SCFD1: variants seen among roughly 807,000 people sequenced by gnomAD.
SCFD1 encodes the protein sec1 family domain containing 1, also known as sec1 family domain-containing protein 1.
A neutral mutation model predicts 103.2 loss-of-function variants in SCFD1; 37 were observed. That is an observed-to-expected ratio of 0.36 (90% CI 0.28 to 0.47). The LOEUF (loss-of-function observed/expected upper bound fraction) is 0.47. Among genes scored for constraint, SCFD1 ranks in the 20% least tolerant of loss-of-function variants. The pLI is 1.00. For missense variants in SCFD1, 639 were observed against 761.2 expected, an observed-to-expected ratio of 0.84 and a Z score of 1.89; for synonymous variants, 264 against 245.0, an observed-to-expected ratio of 1.08 and a Z score of -0.73.
chr14:30,658,787 C>G (rs1887157671), intron 10 of SCFD1, among the ~76,000 whole-genome samples: 1 of 152,120 alleles, frequency 6.6e-6, no homozygotes, highest in Non-Finnish European at 1.5e-5. Flanking sequence ...GTAACAGGTG[C>G]CTAGATATAG....
At chr14:30,668,216 A>G (rs1325100443) in intron 10 of SCFD1, among the ~76,000 whole-genome samples, 1 of 152,208 alleles carries the variant, frequency 6.6e-6, no homozygotes, top group Non-Finnish European at 1.5e-5. Context: ...GACCAGTGGA[A>G]CAGAACAGAG....
At chr14:30,703,452 C>A (rs1186486257) in intron 17 of SCFD1, among the ~76,000 whole-genome samples, 1 of 151,122 alleles carries the variant, frequency 6.6e-6, no homozygotes, top group Non-Finnish European at 1.5e-5. Flanking sequence ...AAATGGCATA[C>A]AACTAAATGT....
intron 7 of SCFD1, chr14:30,643,859 T>A (rs1273564265): frequency 4.6e-6 from 2 of 434,316 alleles, no homozygotes; most frequent in South Asian, 1.7e-5. Flanking sequence ...AATTTTTTTT[T>A]ATTTTCAACT....
At chr14:30,692,161 T>C (rs978337300) in intron 14 of SCFD1, among the ~76,000 whole-genome samples, 3 of 152,082 alleles carry the variant, frequency 2.0e-5, no homozygotes, top group Non-Finnish European at 2.9e-5. Flanking sequence ...CGTTCATCTA[T>C]TTTTATGACT....
At chr14:30,682,882 T>C (rs1025726046) in intron 14 of SCFD1, among the ~76,000 whole-genome samples, 6 of 152,146 alleles carry the variant, frequency 3.9e-5, no homozygotes, top group African/African-American at 1.4e-4. Context: ...ATGTATTTAT[T>C]TAATATACAT....
At chr14:30,677,760 T>G (rs1289114539) in intron 14 of SCFD1, among the ~76,000 whole-genome samples, 1 of 150,426 alleles carries the variant, frequency 6.6e-6, no homozygotes, top group East Asian at 2.0e-4. Context: ...TAATCTCTTC[T>G]CTTTTCACCA....
At chr14:30,726,386 TCA>T (rs1893044831) in intron 23 of SCFD1, among the ~76,000 whole-genome samples, 1 of 152,228 alleles carries the variant, frequency 6.6e-6, no homozygotes, top group Non-Finnish European at 1.5e-5. Flanking sequence ...GGATTTTAAT[TCA>T]GTTTCCTTAT....
chr14:30,713,247 T>A (rs1272382977), intron 19 of SCFD1, among the ~76,000 whole-genome samples: 1 of 152,234 alleles, frequency 6.6e-6, no homozygotes, highest in Non-Finnish European at 1.5e-5. Context: ...ATGTATTTTT[T>A]AAAATCATTC....
In SCFD1 at chr14:30,735,648, G is replaced by A. The variant is rs760448505; in HGVS notation, c.*39G>A. ...TACTATGATAATCTACTTGGAATGT[G>A]GATAAATGTAAAAAGAAGAAAAGTT... On this transcript the variant is annotated 3_prime_UTR_variant, in exon 25 of 25. Coordinates refer to ENST00000458591, the MANE Select transcript of SCFD1 (RefSeq NM_016106.4). The A allele has an allele frequency of 4.7e-6, 7 of 1,493,054 alleles. No homozygotes were observed. The highest frequency in any genetic ancestry group is 3.8e-5 in the Admixed American group (2 of 52,850). 92.5% of individuals were successfully genotyped at this position (1,493,054 alleles called of 1,614,324 possible). A position where few individuals can be genotyped will look rare whatever the true frequency, so the allele number is the denominator to read the frequency against.
intron 2 of SCFD1, among the ~76,000 whole-genome samples, chr14:30,629,964 AT>A (rs1166510212): frequency 1.3e-5 from 2 of 152,066 alleles, no homozygotes; most frequent in Admixed American, 6.5e-5. Context: ...AACTTGTTAT[AT>A]ATTAGTTTTG....
rs528718789 is a variant in SCFD1 at position 30,663,354 on chromosome 14, TTAGA to T, written c.856-6898_856-6895del. Among the ~76,000 whole-genome samples, 8 of 152,212 alleles carry T rather than the reference TTAGA, an allele frequency of 5.3e-5. No individual in the cohort carries two copies. In the South Asian group the frequency reaches 6.2e-4, roughly 12 times the overall value. On this transcript the variant is annotated intron_variant, in intron 10 of 24. Coordinates refer to ENST00000458591, the MANE Select transcript of SCFD1 (RefSeq NM_016106.4). ...TTTCTCTTCAATATCTTTTATTTTG[TTAGA>T]TAGTTTTTTAAATCTAAGGTTCTTT...
At chr14:30,678,574 C>T (rs1465158320) in intron 14 of SCFD1, among the ~76,000 whole-genome samples, 1 of 152,168 alleles carries the variant, frequency 6.6e-6, no homozygotes, top group Non-Finnish European at 1.5e-5. Flanking sequence ...GGATTACTTA[C>T]ATAATTTGTA....
At chr14:30,734,066 A>G (rs1380166791) in intron 23 of SCFD1, among the ~76,000 whole-genome samples, 1 of 152,184 alleles carries the variant, frequency 6.6e-6, no homozygotes, top group Non-Finnish European at 1.5e-5. Flanking sequence ...TAGGACATGT[A>G]TTCAGCCAAC....
chr14:30,661,980 A>G (rs1887496325), intron 10 of SCFD1, among the ~76,000 whole-genome samples: 1 of 152,158 alleles, frequency 6.6e-6, no homozygotes, highest in Non-Finnish European at 1.5e-5. Flanking sequence ...TGTTTAATAT[A>G]TTAAAGATCA....
chr14:30,719,629 G>A (rs1354316070), intron 21 of SCFD1, among the ~76,000 whole-genome samples: 1 of 152,098 alleles, frequency 6.6e-6, no homozygotes, highest in East Asian at 1.9e-4. Context: ...AAATGGTGGA[G>A]GTATTAGAAA....
At chr14:30,691,898 C>A (rs1463651191) in intron 14 of SCFD1, among the ~76,000 whole-genome samples, 2 of 151,844 alleles carry the variant, frequency 1.3e-5, no homozygotes, top group African/African-American at 4.8e-5. Flanking sequence ...TTATATAGTT[C>A]CAGAAATTAG....
At chr14:30,625,296 T>A (rs1437139102) in intron 1 of SCFD1, among the ~76,000 whole-genome samples, 6 of 152,150 alleles carry the variant, frequency 3.9e-5, no homozygotes, top group Non-Finnish European at 7.4e-5. Context: ...GTATCCCTTA[T>A]CCAAAATGCT....
At chr14:30,640,303 G>A (rs1281270791) in intron 6 of SCFD1, among the ~76,000 whole-genome samples, 1 of 152,120 alleles carries the variant, frequency 6.6e-6, no homozygotes, top group Non-Finnish European at 1.5e-5. Flanking sequence ...TTGAGCTCTA[G>A]AGCATCTGTT....
At chr14:30,707,311 A>AG (rs1891536292) in intron 18 of SCFD1, among the ~76,000 whole-genome samples, 1 of 152,194 alleles carries the variant, frequency 6.6e-6, no homozygotes, top group Non-Finnish European at 1.5e-5. Context: ...CATGTGAGAG[A>AG]CTGTTTGAAC....
Sources: allele counts gnomAD v4.1 joint callset (sites outside exome capture counted in the v4.1 genomes callset), GRCh38; gene constraint gnomAD v4.1.1; transcripts MANE v1.5; gene names NCBI Gene and HGNC (gene_info 2026-07-23, HGNC 2026-07-21).